Variants in GABPA observed in about 807,000 individuals in gnomAD.
GABPA encodes the protein GA-binding protein alpha chain.
A neutral mutation model predicts 59.4 loss-of-function variants in GABPA; 4 were observed. That is an observed-to-expected ratio of 0.07 (90% CI 0.03 to 0.15). The LOEUF (loss-of-function observed/expected upper bound fraction) is 0.15. Ranked by LOEUF, GABPA falls within the 10% of genes least tolerant of loss-of-function variation. GABPA has a pLI of 1.00. For synonymous variants in GABPA, 164 were observed against 183.1 expected (o/e 0.90, Z 0.84); for missense variants, 251 against 543.8 (o/e 0.46, Z 5.36).
At chr21:25,767,970 A>G (rs2035931758) in intron 9 of GABPA, among the ~76,000 whole-genome samples, 1 of 152,074 alleles carries the variant, frequency 6.6e-6, no homozygotes, top group Admixed American at 6.6e-5. Context: ...ACTTTTGCAA[A>G]TAGTTGTTTC....
intron 6 of GABPA, among the ~76,000 whole-genome samples, chr21:25,760,658 G>T (rs576101692): frequency 6.6e-6 from 1 of 152,158 alleles, no homozygotes; most frequent in African/African-American, 2.4e-5. Context: ...TTCTCAGTTT[G>T]CTAAGGGTTT....
chr21:25,763,650 T>G (rs1353831496), intron 7 of GABPA, among the ~76,000 whole-genome samples: 1 of 152,202 alleles, frequency 6.6e-6, no homozygotes, highest in Non-Finnish European at 1.5e-5. Flanking sequence ...CATATTATTT[T>G]ATAACTTTTT....
chr21:25,744,311 T>G (rs1286445411), intron 2 of GABPA, among the ~76,000 whole-genome samples: 1 of 151,986 alleles, frequency 6.6e-6, no homozygotes, highest in Non-Finnish European at 1.5e-5. Context: ...GGTGTGAACA[T>G]AGGGAGACTC....
chr21:25,758,353 A>G (rs921272511), intron 6 of GABPA, 149 bp downstream of exon 6: 37 of 566,486 alleles, frequency 6.5e-5, no homozygotes, highest in Non-Finnish European at 1.1e-4. Flanking sequence ...CTATGCTGAA[A>G]GCTCTATATG....
At chr21:25,763,546 CAT>C (rs2035815538) in intron 7 of GABPA, among the ~76,000 whole-genome samples, 1 of 152,226 alleles carries the variant, frequency 6.6e-6, no homozygotes, top group East Asian at 1.9e-4. Context: ...TTACTGTCTG[CAT>C]ATTTTATATT....
rs184171242 is a variant in GABPA, at chr21:25,765,766, G to T, written c.1136+979G>T. The stretch of plus-strand genomic sequence containing the variant: ...AATCATAATTAAAGCTGCCATTTTT[G>T]AGAGTTGATACAGATTGTATACATA... On this transcript the variant is annotated intron_variant, in intron 9 of 9. Transcript: ENST00000400075. 1.2e-3 allele frequency among the ~76,000 whole-genome samples: 175 copies of T among 151,970 alleles called. 1 individual carries two copies. The highest frequency in any genetic ancestry group is 4.0e-3 in the African/African-American group (165 of 41,496).
intron 7 of GABPA, 111 bp from the exon 8 acceptor site, chr21:25,764,099 C>A: frequency 3.5e-6 from 3 of 864,202 alleles, no homozygotes; most frequent in South Asian, 2.3e-5. Flanking sequence ...GAAGTACTTT[C>A]TTGGGGGTAA....
At chr21:25,759,220 A>G (rs1364297073) in intron 6 of GABPA, among the ~76,000 whole-genome samples, 1 of 152,244 alleles carries the variant, frequency 6.6e-6, no homozygotes, top group African/African-American at 2.4e-5. Flanking sequence ...ACAGTTTTGC[A>G]TATCAGAAAT....
At chr21:25,746,763 G>A (rs2035377084) in intron 3 of GABPA, among the ~76,000 whole-genome samples, 1 of 152,076 alleles carries the variant, frequency 6.6e-6, no homozygotes, top group African/African-American at 2.4e-5. Context: ...TTTAATATCT[G>A]TTAATGTTAA....
Position 25,735,117 on chromosome 21 carries a change from C to T in GABPA, c.-488C>T. On this transcript the variant is annotated 5_prime_UTR_variant, in exon 1 of 10. Transcript: ENST00000400075. ...GGCACAGCCTCCGCCATCTTTTCTT[C>T]GCCTAATTTGACCCGTTCTTTTTCC... is the stretch of plus-strand genomic sequence containing the variant. The T allele has an allele frequency of 6.7e-6, 5 of 740,944 alleles. No individual in the cohort carries two copies. The highest frequency in any genetic ancestry group is 2.1e-5 in the Admixed American group (1 of 47,928). The allele number at this position is 740,944 out of a possible 1,614,324, so 45.9% of individuals were successfully genotyped here. A position where few individuals can be genotyped will look rare whatever the true frequency, so the allele number is the denominator to read the frequency against.
chr21:25,741,512 C>T (rs796460974), intron 1 of GABPA, 61 bp from the exon 2 acceptor site: 2 of 827,382 alleles, frequency 2.4e-6, no homozygotes, highest in African/African-American at 1.8e-5. Context: ...GTCTCTACTT[C>T]TTGTGTGTCA....
At chr21:25,768,381 A>G (rs1202517290) in intron 9 of GABPA, among the ~76,000 whole-genome samples, 2 of 152,074 alleles carry the variant, frequency 1.3e-5, no homozygotes, top group African/African-American at 2.4e-5. Flanking sequence ...AGATGAAGAC[A>G]TGACTTCATC....
chr21:25,757,849 A>ATTTTTTTTTTTTT (rs60518912), intron 5 of GABPA, among the ~76,000 whole-genome samples, 161 bp from the exon 6 acceptor site: 1 of 108,734 alleles, frequency 9.2e-6, no homozygotes, highest in Non-Finnish European at 1.8e-5. Context: ...TTACAGCATA[A>ATTTTTTTTTTTTT]TTTTTTTTTT....
At chr21:25,736,717 G>C (rs964367353) in intron 1 of GABPA, among the ~76,000 whole-genome samples, 1 of 152,114 alleles carries the variant, frequency 6.6e-6, no homozygotes, top group Non-Finnish European at 1.5e-5. Context: ...ACCTACAGAA[G>C]AATTGGGGAA....
At chr21:25,745,063 T>C in intron 2 of GABPA, 147 bp from the exon 3 acceptor site, 1 of 747,458 alleles carries the variant, frequency 1.3e-6, no homozygotes, top group South Asian at 1.8e-5. Flanking sequence ...CACTAGTTGG[T>C]GATGAGCCTG....
intron 1 of GABPA, among the ~76,000 whole-genome samples, chr21:25,736,287 T>C (rs1042217572): frequency 3.3e-5 from 5 of 152,206 alleles, no homozygotes; most frequent in Admixed American, 3.3e-4. Context: ...AAAATTCATT[T>C]CATAAGTAGT....
At chr21:25,757,416 T>C (rs957044788) in intron 5 of GABPA, among the ~76,000 whole-genome samples, 1 of 147,386 alleles carries the variant, frequency 6.8e-6, no homozygotes, top group Non-Finnish European at 1.5e-5. Flanking sequence ...GTTCTAAAGA[T>C]AGAATGGTTT....
At chr21:25,760,702 T>G (rs2035745559) in intron 6 of GABPA, among the ~76,000 whole-genome samples, 1 of 152,164 alleles carries the variant, frequency 6.6e-6, no homozygotes. Context: ...ATTCCTGTAG[T>G]GTCTAATGTT....
chr21:25,759,900 TCCCA>T (rs1345505317), intron 6 of GABPA, among the ~76,000 whole-genome samples: 4 of 152,222 alleles, frequency 2.6e-5, no homozygotes, highest in African/African-American at 9.6e-5. Flanking sequence ...TTCCAGTCTT[TCCCA>T]GGTCAGCTGT....
Sources: allele counts gnomAD v4.1 joint callset (sites outside exome capture counted in the v4.1 genomes callset), GRCh38; gene constraint gnomAD v4.1.1; transcripts MANE v1.5; gene names NCBI Gene and HGNC (gene_info 2026-07-23, HGNC 2026-07-21).